GALNT13: variants seen among roughly 807,000 people sequenced by gnomAD.
GALNT13 encodes UDP-GalNAc:polypeptide N-acetylgalactosaminyltransferase 13.
GALNT13 carries 28 observed loss-of-function variants against 64.2 expected under a neutral mutation model. The observed-to-expected ratio is 0.44, with a 90% CI of 0.32 to 0.60. The LOEUF (loss-of-function observed/expected upper bound fraction) is 0.60. GALNT13 is among the 20% of genes least tolerant of loss of function. GALNT13 has a pLI of 0.05. For missense variants in GALNT13, 577 were observed against 669.8 expected, an observed-to-expected ratio of 0.86 and a Z score of 1.53; for synonymous variants, 214 against 224.6, an observed-to-expected ratio of 0.95 and a Z score of 0.42.
At chr2:153,959,562 C>T (rs1188826320) in intron 3 of GALNT13, among the ~76,000 whole-genome samples, 4 of 152,132 alleles carry the variant, frequency 2.6e-5, no homozygotes, top group South Asian at 2.1e-4. Flanking sequence ...TTCAAGGCAC[C>T]GAAACTGTGA....
the GALNT13 span, among the ~76,000 whole-genome samples, chr2:153,334,610 A>T: frequency 1.3e-5 from 2 of 152,160 alleles, no homozygotes; most frequent in African/African-American, 4.8e-5. Flanking sequence ...CTTAGAACCA[A>T]ACCGAAATTT....
At chr2:153,540,428 G>A in the GALNT13 span, among the ~76,000 whole-genome samples, 1 of 152,214 alleles carries the variant, frequency 6.6e-6, no homozygotes, top group South Asian at 2.1e-4. Context: ...CTCTACTAGG[G>A]CAATGAAGAG....
At chr2:153,453,154 C>G in the GALNT13 span, among the ~76,000 whole-genome samples, 1 of 152,144 alleles carries the variant, frequency 6.6e-6, no homozygotes, top group Non-Finnish European at 1.5e-5. Context: ...AGACATCAAA[C>G]TACAAGAATC....
chr2:153,293,860 C>T, the GALNT13 span, among the ~76,000 whole-genome samples: 17 of 151,886 alleles, frequency 1.1e-4, no homozygotes, highest in East Asian at 1.4e-3. Flanking sequence ...GGTGCAATCA[C>T]GGCTCACTGC....
intron 8 of GALNT13, among the ~76,000 whole-genome samples, chr2:154,275,456 A>G (rs893320984): frequency 6.6e-6 from 1 of 152,218 alleles, no homozygotes; most frequent in African/African-American, 2.4e-5. Context: ...TATACAGTTC[A>G]GGCCATTGTT....
chr2:153,764,051 A>G, the GALNT13 span, among the ~76,000 whole-genome samples: 2 of 152,200 alleles, frequency 1.3e-5, no homozygotes, highest in African/African-American at 4.8e-5. Flanking sequence ...AGTGATATGG[A>G]CAATGAAGTC....
chr2:154,301,720 G>T, intron 9 of GALNT13, 131 bp downstream of exon 9: 1 of 598,246 alleles, frequency 1.7e-6, no homozygotes. Context: ...GCAGAAAACG[G>T]CATATGAGAA....
the GALNT13 span, among the ~76,000 whole-genome samples, chr2:153,160,106 C>T: frequency 6.6e-6 from 1 of 152,154 alleles, no homozygotes; most frequent in Non-Finnish European, 1.5e-5. Flanking sequence ...AAGAATGTTC[C>T]AACCATCTTG....
At chr2:153,274,740 T>C in the GALNT13 span, among the ~76,000 whole-genome samples, 1 of 152,232 alleles carries the variant, frequency 6.6e-6, no homozygotes, top group African/African-American at 2.4e-5. Flanking sequence ...ATTCTTTTAT[T>C]TGAAGTCACG....
chr2:153,609,150 CA>C, the GALNT13 span, among the ~76,000 whole-genome samples: 24 of 146,030 alleles, frequency 1.6e-4, no homozygotes, highest in Admixed American at 6.8e-5. Context: ...CCATGTTCCC[CA>C]GGCTGGTCTT....
intron 3 of GALNT13, among the ~76,000 whole-genome samples, chr2:154,138,573 TA>T (rs34134880): frequency 0.2 from 28,255 of 138,128 alleles, 3,126 homozygotes; most frequent in Non-Finnish European, 0.27. Context: ...CAAGATATGT[TA>T]AAAAAAAAAA....
chr2:154,245,999 T>C lies in GALNT13; in HGVS notation c.857+17T>C, dbSNP rs774285023. 6 of 1,578,054 alleles carry C rather than the reference T, an allele frequency of 3.8e-6. No individual in the cohort carries two copies. The African/African-American group carries it at 8.1e-5, about 21-fold the overall frequency. On this transcript the variant is annotated intron_variant, in intron 7 of 12. Transcript: ENST00000392825. ...ACCTGTCAGGTATGTAGATCATATCTCTTGAAGATTATGTATATCCCCCTA... is the reference window on the plus strand; with the variant it reads ...ACCTGTCAGGTATGTAGATCATATCCCTTGAAGATTATGTATATCCCCCTA...
chr2:153,609,692 T>C, the GALNT13 span, among the ~76,000 whole-genome samples: 1 of 152,146 alleles, frequency 6.6e-6, no homozygotes, highest in African/African-American at 2.4e-5. Context: ...GACAGAGATA[T>C]AAAACATGAT....
intron 9 of GALNT13, among the ~76,000 whole-genome samples, chr2:154,367,823 GA>G (rs1443964759): frequency 6.6e-6 from 1 of 152,132 alleles, no homozygotes; most frequent in Admixed American, 6.6e-5. Flanking sequence ...CATAGATAAA[GA>G]ATTCTCTGAA....
chr2:154,170,533 G>T (rs1166583216), intron 4 of GALNT13, among the ~76,000 whole-genome samples: 1 of 152,064 alleles, frequency 6.6e-6, no homozygotes, highest in African/African-American at 2.4e-5. Flanking sequence ...TCCCCAAAGA[G>T]CCCAGTTTGA....
At chr2:154,253,521 G>T (rs1029858542) in intron 7 of GALNT13, among the ~76,000 whole-genome samples, 1 of 151,990 alleles carries the variant, frequency 6.6e-6, no homozygotes, top group African/African-American at 2.4e-5. Context: ...CACAAACTAG[G>T]CACTGTAGCA....
At chr2:153,375,562 A>C in the GALNT13 span, among the ~76,000 whole-genome samples, 1 of 152,176 alleles carries the variant, frequency 6.6e-6, no homozygotes, top group Non-Finnish European at 1.5e-5. Context: ...TTTTATTTGC[A>C]TATACAAAGC....
At chr2:153,847,400 GCACACA>G in the GALNT13 span, among the ~76,000 whole-genome samples, 1 of 149,938 alleles carries the variant, frequency 6.7e-6, no homozygotes, top group East Asian at 2.0e-4. Context: ...GTGCTCATGC[GCACACA>G]CACACACACA....
chr2:153,215,162 A>G, the GALNT13 span, among the ~76,000 whole-genome samples: 1 of 152,066 alleles, frequency 6.6e-6, no homozygotes, highest in Non-Finnish European at 1.5e-5. Context: ...TTTGTACCAG[A>G]CATTTTCAGA....
Sources: gnomAD v4.1 joint callset for allele counts (sites outside exome capture counted in the v4.1 genomes callset) on GRCh38, gnomAD v4.1.1 for gene constraint, MANE v1.5 for transcripts, NCBI Gene and HGNC (gene_info 2026-07-23, HGNC 2026-07-21) for gene names.